The following STIMATE variants were observed in gnomAD, a reference collection of about 807,000 sequenced individuals.
The protein encoded by STIMATE is store-operated calcium entry regulator STIMATE.
STIMATE carries 15 observed loss-of-function variants against 36.7 expected under a neutral mutation model. The ratio of observed to expected loss-of-function variants is 0.41; its 90% CI spans 0.27 to 0.63. STIMATE has a LOEUF of 0.63. Among genes scored for constraint, STIMATE ranks in the 20% least tolerant of loss-of-function variants. The probability of loss-of-function intolerance (pLI) is 0.32; values close to 1 mark genes in which losing one functional copy is unlikely to be tolerated. For missense variants in STIMATE, 305 were observed against 397.3 expected (o/e 0.77, Z 1.98); for synonymous variants, 163 against 162.3 (o/e 1.00, Z -0.03).
intron 1 of STIMATE, among the ~76,000 whole-genome samples, chr3:52,881,205 CAAA>C (rs752629885): frequency 3.8e-5 from 3 of 78,976 alleles, no homozygotes; most frequent in Non-Finnish European, 5.7e-5. Flanking sequence ...ACTCTTGTCT[CAAA>C]AAAAAAAAAA....
intron 1 of STIMATE, among the ~76,000 whole-genome samples, chr3:52,856,217 A>G (rs1701092224): frequency 6.6e-6 from 1 of 152,228 alleles, no homozygotes. Context: ...AGGTAACAAG[A>G]GAACCTCCTG....
chr3:52,866,333 T>C (rs886141573), intron 1 of STIMATE, among the ~76,000 whole-genome samples: 1 of 152,256 alleles, frequency 6.6e-6, no homozygotes, highest in Non-Finnish European at 1.5e-5. Context: ...TCAGGCCACT[T>C]GGGTGCCAGG....
At chr3:52,873,460 G>A (rs1701442912) in intron 1 of STIMATE, among the ~76,000 whole-genome samples, 1 of 152,210 alleles carries the variant, frequency 6.6e-6, no homozygotes, top group Non-Finnish European at 1.5e-5. Context: ...AAAGCGAGTT[G>A]TACAACCACT....
In STIMATE at chr3:52,838,332, C is replaced by T. The variant is rs1301272683; in HGVS notation, c.*2162G>A. ...GCCCTGTCTGGAAACATTAGGAGCT[C>T]AAGACTGAACATGAAGCTCCAATTG... On this transcript the variant is annotated 3_prime_UTR_variant, in exon 8 of 8. Coordinates refer to ENST00000355083, the MANE Select transcript of STIMATE (RefSeq NM_198563.5). 1 of 152,122 alleles carries T rather than the reference C, an allele frequency of 6.6e-6. No homozygotes were observed. Among genetic ancestry groups the T allele is most frequent in the Non-Finnish European group, 1.5e-5 (1 of 68,042 alleles). 9.4% of individuals were successfully genotyped at this position (152,122 alleles called of 1,614,324 possible).
chr3:52,849,985 G>T, intron 3 of STIMATE, 72 bp from the exon 4 acceptor site: 1 of 1,546,510 alleles, frequency 6.5e-7, no homozygotes, highest in South Asian at 1.2e-5. Flanking sequence ...ATGCAGGGTG[G>T]CCTGAGGGAA....
At position 52,855,325 on chromosome 3, in the gene STIMATE, C is replaced by A. The variant is rs1701073629; in HGVS notation, c.209+71G>T. 9.6e-6 allele frequency: 15 copies of A among 1,562,936 alleles called. No homozygotes were observed. The South Asian group carries it at 1.7e-4, about 18-fold the overall frequency. On this transcript the variant is annotated intron_variant, in intron 2 of 7. Transcript: ENST00000355083. ...TGCCCTCCCCACTCCAACACCATAC[C>A]CCACCCCCAGCCCCAAGACCCCCAA...
In STIMATE at chr3:52,866,304, C is replaced by T. The variant is rs181043880; in HGVS notation, c.161-10860G>A. On this transcript the variant is annotated intron_variant, in intron 1 of 7. Coordinates refer to ENST00000355083, the MANE Select transcript of STIMATE (RefSeq NM_198563.5). Reference sequence around the variant, plus strand: ...GATCGCTGAAGAGGCTGTCTCAGCACGGCTGCGGCGTGCACCCATCAGGCC... The same window carrying T: ...GATCGCTGAAGAGGCTGTCTCAGCATGGCTGCGGCGTGCACCCATCAGGCC... Among the ~76,000 whole-genome samples, 1,091 of 152,372 alleles carry T rather than the reference C, an allele frequency of 7.2e-3. 113 individuals carry two copies. In the South Asian group the frequency reaches 0.2, roughly 28 times the overall value.
At chr3:52,863,746 T>G (rs918455415) in intron 1 of STIMATE, among the ~76,000 whole-genome samples, 1 of 152,014 alleles carries the variant, frequency 6.6e-6, no homozygotes, top group African/African-American at 2.4e-5. Context: ...GGAGTACAGG[T>G]ATTGGGTAAA....
At chr3:52,854,468 G>C (rs139383719) in intron 2 of STIMATE, among the ~76,000 whole-genome samples, 1 of 152,228 alleles carries the variant, frequency 6.6e-6, no homozygotes, top group Non-Finnish European at 1.5e-5. Context: ...GATTTGGAGC[G>C]CTTCCGGGCT....
chr3:52,861,249 G>C (rs1701210967), intron 1 of STIMATE, among the ~76,000 whole-genome samples: 1 of 152,164 alleles, frequency 6.6e-6, no homozygotes, highest in African/African-American at 2.4e-5. Context: ...CTACTGAACA[G>C]AGAGAGGGGA....
At chr3:52,840,704 T>A in intron 7 of STIMATE, 94 bp from the exon 8 acceptor site, 1 of 859,038 alleles carries the variant, frequency 1.2e-6, no homozygotes, top group Non-Finnish European at 1.6e-6. Flanking sequence ...TCTCATGTTT[T>A]TTTTTTTTTT....
intron 1 of STIMATE, among the ~76,000 whole-genome samples, chr3:52,861,795 A>G (rs1447180937): frequency 6.6e-6 from 1 of 152,092 alleles, no homozygotes; most frequent in Non-Finnish European, 1.5e-5. Flanking sequence ...CCTCCATACC[A>G]ATCCCTCCTT....
At chr3:52,858,727 G>GT (rs1701149850) in intron 1 of STIMATE, among the ~76,000 whole-genome samples, 2 of 152,308 alleles carry the variant, frequency 1.3e-5, no homozygotes, top group South Asian at 2.1e-4. Flanking sequence ...TGCTATACAA[G>GT]TATTATTGCA....
At chr3:52,874,518 T>C (rs559782907) in intron 1 of STIMATE, among the ~76,000 whole-genome samples, 3 of 152,340 alleles carry the variant, frequency 2.0e-5, no homozygotes, top group African/African-American at 7.2e-5. Context: ...CTATGTCTTT[T>C]CATAATGTTT....
At chr3:52,847,251 G>A (rs1700923993) in intron 4 of STIMATE, 33 of 1,167,654 alleles carry the variant, frequency 2.8e-5, no homozygotes, top group Admixed American at 3.9e-5. Context: ...ACAACCTCAG[G>A]CATGTGGGTG....
intron 1 of STIMATE, among the ~76,000 whole-genome samples, chr3:52,880,289 T>C (rs1404035735): frequency 6.6e-6 from 1 of 152,194 alleles, no homozygotes; most frequent in Non-Finnish European, 1.5e-5. Context: ...GAGACTTAGC[T>C]TCGCACACCT....
At chr3:52,882,093 G>A (rs1007678535) in intron 1 of STIMATE, among the ~76,000 whole-genome samples, 1 of 152,216 alleles carries the variant, frequency 6.6e-6, no homozygotes, top group Non-Finnish European at 1.5e-5. Context: ...CTGCATCACC[G>A]GAAGTCTTGA....
chr3:52,867,873 A>C (rs756978701), intron 1 of STIMATE, among the ~76,000 whole-genome samples: 1 of 152,194 alleles, frequency 6.6e-6, no homozygotes, highest in African/African-American at 2.4e-5. Flanking sequence ...AAAGAAAGCC[A>C]AGTCACCCGG....
chr3:52,860,442 G>A (rs1701198766), intron 1 of STIMATE, among the ~76,000 whole-genome samples: 1 of 151,556 alleles, frequency 6.6e-6, no homozygotes, highest in African/African-American at 2.4e-5. Flanking sequence ...TCCAGGCAGA[G>A]GGCTGGAGGA....
Sources: gnomAD v4.1 joint callset for allele counts (sites outside exome capture counted in the v4.1 genomes callset) on GRCh38, gnomAD v4.1.1 for gene constraint, MANE v1.5 for transcripts, NCBI Gene and HGNC (gene_info 2026-07-23, HGNC 2026-07-21) for gene names.